Variants in NPIPB15 observed in about 807,000 individuals in gnomAD.
NPIPB15 encodes the protein nuclear pore complex interacting protein family member B15.
In NPIPB15, 5 loss-of-function variants were observed where a neutral mutation model predicts 35.9. That is an observed-to-expected ratio of 0.14 (90% CI 0.07 to 0.29). NPIPB15 has a LOEUF of 0.29. NPIPB15 is among the 10% of genes least tolerant of loss of function. NPIPB15 has a pLI of 1.00. For missense variants in NPIPB15, 100 were observed against 506.1 expected, an observed-to-expected ratio of 0.20 and a Z score of 7.70; for synonymous variants, 43 against 182.0, an observed-to-expected ratio of 0.24 and a Z score of 6.15.
At chr16:74,387,362 C>G (rs1235327426) in intron 5 of NPIPB15, among the ~76,000 whole-genome samples, 2 of 149,110 alleles carry the variant, frequency 1.3e-5, no homozygotes, top group East Asian at 4.1e-4. Flanking sequence ...GAAATGGATT[C>G]CAAATGCGAG....
chr16:74,384,676 T>TTTTTA (rs2012166780), intron 3 of NPIPB15, among the ~76,000 whole-genome samples: 4 of 27,576 alleles, frequency 1.5e-4, no homozygotes, highest in African/African-American at 1.2e-3. Context: ...CTATTTTTTT[T>TTTTTA]TTTTTTTTTT....
rs1251859309 is a variant in NPIPB15, at chr16:74,391,374, C to T, written c.643-17C>T. 7.5e-6 allele frequency: 12 copies of T among 1,599,326 alleles called. No individual in the cohort carries two copies. Among genetic ancestry groups the T allele is most frequent in the Non-Finnish European group, 9.3e-6 (11 of 1,179,220 alleles). On this transcript the variant is annotated splice_polypyrimidine_tract_variant and intron_variant, in intron 7 of 7. Coordinates refer to ENST00000692376, the MANE Select transcript of NPIPB15 (RefSeq NM_001306094.2). ...AAATGAATATGTGTGAAAACATTCC[C>T]TCCTTTGGCCCTACAGGTCAGAATG...
Position 74,391,772 on chromosome 16 carries a change from A to T in NPIPB15, c.1024A>T (p.Thr342Ser). ...LPPSVDDNLK[T>S]PPLATQEAEA... ...ACCCTCAGTGGATGATAATCTCAAG[A>T]CTCCTCCCTTAGCTACTCAGGAGGC... The change falls in exon 8 of 8, where the codon ACT becomes TCT. Residue 342 changes from threonine to serine, a missense_variant. Thr to Ser is a moderately conservative substitution (Grantham distance 58, BLOSUM62 1). Transcript: ENST00000692376. 6.2e-7 allele frequency: 1 copy of T among 1,613,958 alleles called. No homozygotes were observed.
chr16:74,386,232 G>A (rs2142681727), intron 5 of NPIPB15, among the ~76,000 whole-genome samples: 1 of 128,126 alleles, frequency 7.8e-6, no homozygotes, highest in African/African-American at 2.9e-5. Flanking sequence ...TAATCCACCT[G>A]CCTCAGCCTC....
At chr16:74,385,012 T>A (rs1245253687) in intron 3 of NPIPB15, among the ~76,000 whole-genome samples, 2 of 90,926 alleles carry the variant, frequency 2.2e-5, no homozygotes, top group African/African-American at 3.7e-5. Context: ...TGTGTGTGTG[T>A]GTGTGTGTGT....
intron 3 of NPIPB15, among the ~76,000 whole-genome samples, chr16:74,382,902 G>C (rs1009928375): frequency 6.9e-6 from 1 of 145,688 alleles, no homozygotes; most frequent in Non-Finnish European, 1.5e-5. Flanking sequence ...TAAATTGGAG[G>C]AAGCTTTTTT....
chr16:74,383,858 G>A (rs1218076408), intron 3 of NPIPB15, among the ~76,000 whole-genome samples: 2 of 151,864 alleles, frequency 1.3e-5, no homozygotes, highest in African/African-American at 2.4e-5. Flanking sequence ...GGAGGTTGCC[G>A]TGAGCCAAGG....
intron 3 of NPIPB15, among the ~76,000 whole-genome samples, chr16:74,384,806 C>G (rs28843770): frequency 7.0e-6 from 1 of 143,012 alleles, no homozygotes. Context: ...CTCAGCCTCC[C>G]GACTAGCTGG....
At chr16:74,387,485 C>T (rs1438268328) in intron 5 of NPIPB15, among the ~76,000 whole-genome samples, 4 of 148,762 alleles carry the variant, frequency 2.7e-5, no homozygotes, top group African/African-American at 1.0e-4. Context: ...TTTGGTGTCC[C>T]CCATTGTTCT....
intron 3 of NPIPB15, among the ~76,000 whole-genome samples, chr16:74,384,393 G>A (rs1305546204): frequency 1.0e-5 from 1 of 97,298 alleles, no homozygotes; most frequent in Non-Finnish European, 2.1e-5. Flanking sequence ...TTTTTGAGAC[G>A]GAGTCTCACT....
chr16:74,379,869 T>G (rs1454745793), intron 2 of NPIPB15, among the ~76,000 whole-genome samples: 1 of 152,092 alleles, frequency 6.6e-6, no homozygotes, highest in Non-Finnish European at 1.5e-5. Context: ...ATTGCAGGCG[T>G]GAGCCACCAC....
intron 2 of NPIPB15, among the ~76,000 whole-genome samples, chr16:74,379,659 G>A (rs3895789): frequency 2.7e-4 from 41 of 151,060 alleles, no homozygotes; most frequent in Non-Finnish European, 3.4e-4. Context: ...GTGCGATCTC[G>A]GCTCACTGCA....
chr16:74,384,647 G>A (rs1400470031), intron 3 of NPIPB15, among the ~76,000 whole-genome samples: 6 of 144,572 alleles, frequency 4.2e-5, no homozygotes, highest in East Asian at 2.2e-4. Context: ...GATTACAGGC[G>A]TGAGCTACCG....
chr16:74,383,578 T>C (rs879319953), intron 3 of NPIPB15, among the ~76,000 whole-genome samples: 1 of 83,148 alleles, frequency 1.2e-5, no homozygotes, highest in African/African-American at 4.6e-5. Flanking sequence ...TTTTATCCTA[T>C]GTGCAGAAAT....
At position 74,377,964 on chromosome 16, in the gene NPIPB15, G is replaced by A; in HGVS notation, c.-10G>A. 1 of 1,540,038 alleles carries A rather than the reference G, an allele frequency of 6.5e-7. No homozygotes were observed. Among genetic ancestry groups the A allele is most frequent in the Non-Finnish European group, 8.8e-7 (1 of 1,136,492 alleles). ...CTGGCCGCCTCAGGGCGCCCTGAAA[G>A]GACCAGGACATGCGGCTGCGCTTTT... On this transcript the variant is annotated 5_prime_UTR_variant, in exon 2 of 8. Transcript: ENST00000692376.
chr16:74,377,466 G>C (rs1442188766), intron 1 of NPIPB15, among the ~76,000 whole-genome samples, 120 bp downstream of exon 1: 1 of 152,022 alleles, frequency 6.6e-6, no homozygotes, highest in African/African-American at 2.4e-5. Context: ...GGCACCACCG[G>C]GGTCATCAGG....
At chr16:74,377,607 G>C (rs1399439779) in intron 1 of NPIPB15, among the ~76,000 whole-genome samples, 1 of 151,978 alleles carries the variant, frequency 6.6e-6, no homozygotes, top group Non-Finnish European at 1.5e-5. Flanking sequence ...CTTGCCCCAC[G>C]TGTCCTGTTG....
At chr16:74,391,270 T>A in intron 7 of NPIPB15, 121 bp from the exon 8 acceptor site, 1 of 1,544,290 alleles carries the variant, frequency 6.5e-7, no homozygotes, top group Non-Finnish European at 8.7e-7. Flanking sequence ...TTTTGAAACC[T>A]GGAGGATGGA....
intron 3 of NPIPB15, among the ~76,000 whole-genome samples, chr16:74,385,000 T>A: frequency 2.4e-5 from 1 of 41,138 alleles, no homozygotes; most frequent in African/African-American, 1.2e-4. Context: ...CTTGTGTGTG[T>A]GTGTGTGTGT....
Sources: gnomAD v4.1 joint callset for allele counts (sites outside exome capture counted in the v4.1 genomes callset) on GRCh38, gnomAD v4.1.1 for gene constraint, MANE v1.5 for transcripts, NCBI Gene and HGNC (gene_info 2026-07-23, HGNC 2026-07-21) for gene names.